The following EYS variants were observed in gnomAD, a reference collection of about 807,000 sequenced individuals.
EYS encodes protein eyes shut homolog.
In EYS, 250 loss-of-function variants were observed where a neutral mutation model predicts 282.1. That is an observed-to-expected ratio of 0.89 (90% CI 0.80 to 0.98). EYS has a LOEUF of 0.98. EYS is among the 50% of genes least tolerant of loss of function. EYS has a pLI of 0.00. For missense variants in EYS, 4,016 were observed against 3,709.0 expected (o/e 1.08, Z -2.15); for synonymous variants, 1,355 against 1,282.9 (o/e 1.06, Z -1.20).
chr6:65,309,208 A>G (rs2150297230), intron 11 of EYS, among the ~76,000 whole-genome samples: 1 of 152,268 alleles, frequency 6.6e-6, no homozygotes, highest in South Asian at 2.1e-4. Flanking sequence ...TTCCATCAAG[A>G]CAGTTTTGCG....
At position 65,316,046 on chromosome 6, in the gene EYS, A is replaced by G. The variant is rs1383588600; in HGVS notation, c.1766+18934T>C. ...AAATATGCAGATATCCTTTTCCTGA[A>G]GTGTCCACTCAAGTATTTCCTTCTT... is the stretch of plus-strand genomic sequence containing the variant. On this transcript the variant is annotated intron_variant, in intron 11 of 42. Transcript: ENST00000503581. 2.0e-5 allele frequency among the ~76,000 whole-genome samples: 3 copies of G among 152,330 alleles called. No individual in the cohort carries two copies. The East Asian group carries it at 5.8e-4, about 29-fold the overall frequency.
At chr6:65,156,135 A>C (rs1315279191) in intron 12 of EYS, among the ~76,000 whole-genome samples, 1 of 151,368 alleles carries the variant, frequency 6.6e-6, no homozygotes, top group East Asian at 1.9e-4. Context: ...ATAATTAATG[A>C]GACCTAGTGC....
At chr6:63,895,410 A>G (rs1263579485) in intron 35 of EYS, among the ~76,000 whole-genome samples, 1 of 152,156 alleles carries the variant, frequency 6.6e-6, no homozygotes, top group Non-Finnish European at 1.5e-5. Flanking sequence ...TTTTAGAGAT[A>G]AAAGAACTGA....
At position 65,696,492 on chromosome 6, in the gene EYS, G is replaced by A. The variant is rs558243293; in HGVS notation, c.-448+10643C>T. On this transcript the variant is annotated intron_variant, in intron 1 of 42. Transcript: ENST00000503581. ...TCATTTTGTGTGGTTGTTCTTAACG[G>A]TAGTCTTGATTTTCTTAGTTGCTAT... Among the ~76,000 whole-genome samples, 70 of 151,984 alleles carry A rather than the reference G, an allele frequency of 4.6e-4. 1 individual carries two copies. Among genetic ancestry groups the A allele is most frequent in the Admixed American group, 3.2e-3 (49 of 15,250 alleles).
chr6:64,811,773 T>A (rs935545950), intron 22 of EYS, among the ~76,000 whole-genome samples: 1 of 152,102 alleles, frequency 6.6e-6, no homozygotes, highest in Non-Finnish European at 1.5e-5. Context: ...GCCAAACAGA[T>A]GCCTATGCCA....
At chr6:64,342,693 A>T (rs1252465564) in intron 29 of EYS, among the ~76,000 whole-genome samples, 1 of 152,108 alleles carries the variant, frequency 6.6e-6, no homozygotes. Flanking sequence ...TCATAATGAC[A>T]GGATCAAATT....
At chr6:64,717,113 A>G (rs1771424572) in intron 22 of EYS, among the ~76,000 whole-genome samples, 1 of 152,188 alleles carries the variant, frequency 6.6e-6, no homozygotes, top group Admixed American at 6.5e-5. Flanking sequence ...TGACTGAGAC[A>G]AGTGCATAGT....
chr6:64,852,529 C>A (rs1219228427), intron 19 of EYS, among the ~76,000 whole-genome samples: 1 of 152,058 alleles, frequency 6.6e-6, no homozygotes, highest in African/African-American at 2.4e-5. Flanking sequence ...TTAATAAACT[C>A]CCCTTTACAT....
At chr6:64,899,316 C>T (rs1244065941) in intron 18 of EYS, among the ~76,000 whole-genome samples, 2 of 152,134 alleles carry the variant, frequency 1.3e-5, no homozygotes, top group Non-Finnish European at 2.9e-5. Context: ...AACGACACAA[C>T]TACATGGAAA....
intron 35 of EYS, among the ~76,000 whole-genome samples, chr6:63,866,947 T>C (rs1041902839): frequency 6.6e-6 from 1 of 152,200 alleles, no homozygotes; most frequent in Non-Finnish European, 1.5e-5. Flanking sequence ...AATCTATCTT[T>C]GCTATCGTCT....
At chr6:64,746,225 A>C (rs1030557658) in intron 22 of EYS, among the ~76,000 whole-genome samples, 2 of 152,020 alleles carry the variant, frequency 1.3e-5, no homozygotes, top group South Asian at 2.1e-4. Context: ...GGGACTATTA[A>C]GCGATGTTTA....
chr6:65,354,026 T>C (rs1331087033), intron 8 of EYS, among the ~76,000 whole-genome samples: 1 of 152,144 alleles, frequency 6.6e-6, no homozygotes, highest in Non-Finnish European at 1.5e-5. Flanking sequence ...TTGCTATCAT[T>C]TGAAAATAGT....
rs12191166 is a variant in EYS at position 64,942,837 on chromosome 6, A to C, written c.2381+2956T>G. ...CTACTGTAACTCTTCCAAAAAAAAA[A>C]AAAAAACAAAAATGAAGTCGAAGGA... On this transcript the variant is annotated intron_variant, in intron 15 of 42. Coordinates refer to ENST00000503581, the MANE Select transcript of EYS (RefSeq NM_001142800.2). Among the ~76,000 whole-genome samples, 15 of 150,126 alleles carry C rather than the reference A, an allele frequency of 1.0e-4. No individual in the cohort carries two copies. In the East Asian group the frequency reaches 1.4e-3, roughly 14 times the overall value.
chr6:64,112,893 G>T (rs1468356637), intron 31 of EYS, among the ~76,000 whole-genome samples: 3 of 151,558 alleles, frequency 2.0e-5, no homozygotes, highest in African/African-American at 7.3e-5. Flanking sequence ...GTCCCAGGGG[G>T]AGTTGCATTA....
intron 28 of EYS, among the ~76,000 whole-genome samples, chr6:64,391,311 G>C (rs1167774085): frequency 1.3e-5 from 2 of 151,792 alleles, no homozygotes; most frequent in Admixed American, 1.3e-4. Flanking sequence ...GCAACTCCAA[G>C]ACACATAATT....
chr6:64,439,282 A>C lies in EYS; in HGVS notation c.5715T>G (p.Asn1905Lys), dbSNP rs1246706555. Residue 1905 changes from asparagine (N) to lysine (K), a missense_variant, in exon 27 of 43, where the codon AAT (asparagine) becomes AAG (lysine). Coordinates refer to ENST00000503581, the MANE Select transcript of EYS (RefSeq NM_001142800.2). ...EFQNVALNPQ[N>K]NISLEFQTFS... The stretch of plus-strand genomic sequence containing the variant: ...AGGTCTGAAATTCTAGGGAGATGTT[A>C]TTTTGTGGATTTAAAGCCACATTCT... 6.6e-7 allele frequency: 1 copy of C among 1,524,468 alleles called. No individual in the cohort carries two copies. The highest frequency in any genetic ancestry group is 1.3e-5 in the South Asian group (1 of 78,042). 94.4% of individuals were successfully genotyped at this position (1,524,468 alleles called of 1,614,324 possible).
intron 22 of EYS, among the ~76,000 whole-genome samples, chr6:64,779,583 T>C (rs1349658313): frequency 6.6e-6 from 1 of 152,138 alleles, no homozygotes; most frequent in African/African-American, 2.4e-5. Context: ...TATACATTAG[T>C]TATACCTATT....
At chr6:65,339,957 G>C (rs535062706) in intron 10 of EYS, among the ~76,000 whole-genome samples, 1 of 151,110 alleles carries the variant, frequency 6.6e-6, no homozygotes, top group East Asian at 2.0e-4. Context: ...AAGAGTGCAG[G>C]GGCCTGTAGG....
At chr6:64,022,552 G>T (rs1254861679) in intron 33 of EYS, among the ~76,000 whole-genome samples, 3 of 152,046 alleles carry the variant, frequency 2.0e-5, no homozygotes, top group Non-Finnish European at 4.4e-5. Flanking sequence ...AAAGCTGAAA[G>T]AATTTGGTCA....
Sources: gnomAD v4.1 joint callset for allele counts (sites outside exome capture counted in the v4.1 genomes callset) on GRCh38, gnomAD v4.1.1 for gene constraint, MANE v1.5 for transcripts, NCBI Gene and HGNC (gene_info 2026-07-23, HGNC 2026-07-21) for gene names.